LRRC4C: variants seen among roughly 807,000 people sequenced by gnomAD.
LRRC4C encodes the protein leucine-rich repeat-containing protein 4C.
Under a neutral mutation model 33.6 loss-of-function variants are expected in LRRC4C, and 5 were observed. The ratio of observed to expected loss-of-function variants is 0.15; its 90% CI spans 0.08 to 0.31. The LOEUF (loss-of-function observed/expected upper bound fraction) is 0.31. Among genes scored for constraint, LRRC4C ranks in the 10% least tolerant of loss-of-function variants. LRRC4C has a pLI of 1.00. For synonymous variants in LRRC4C, 329 were observed against 302.0 expected (o/e 1.09, Z -0.93); for missense variants, 560 against 796.7 (o/e 0.70, Z 3.58).
At chr11:41,212,278 G>A (rs76361676) in intron 1 of LRRC4C, among the ~76,000 whole-genome samples, 25,907 of 152,182 alleles carry the variant, frequency 0.17, 2,314 homozygotes, top group Middle Eastern at 0.24. Context: ...TGTAAAGATA[G>A]CTACTGTGTT....
intron 1 of LRRC4C, among the ~76,000 whole-genome samples, chr11:41,117,819 C>G (rs1001003607): frequency 6.6e-6 from 1 of 151,982 alleles, no homozygotes; most frequent in African/African-American, 2.4e-5. Context: ...GTATTTCAAG[C>G]AAAATTCGCA....
intron 3 of LRRC4C, among the ~76,000 whole-genome samples, chr11:40,443,651 C>T (rs896904260): frequency 3.9e-5 from 6 of 152,138 alleles, no homozygotes; most frequent in African/African-American, 1.4e-4. Context: ...AGTGGCAACT[C>T]AGTTAATATT....
At chr11:40,265,374 T>G (rs1056628387) in intron 4 of LRRC4C, among the ~76,000 whole-genome samples, 12 of 152,206 alleles carry the variant, frequency 7.9e-5, no homozygotes, top group South Asian at 2.1e-4. Flanking sequence ...ATATACATAC[T>G]GTTAGAAAAC....
intron 3 of LRRC4C, among the ~76,000 whole-genome samples, chr11:40,644,094 A>G (rs895452628): frequency 5.9e-5 from 9 of 152,332 alleles, no homozygotes; most frequent in African/African-American, 2.2e-4. Flanking sequence ...CATACCTTAT[A>G]AAAATTAATT....
intron 4 of LRRC4C, among the ~76,000 whole-genome samples, chr11:40,302,873 T>A (rs1363392499): frequency 6.6e-6 from 1 of 152,206 alleles, no homozygotes; most frequent in Admixed American, 6.5e-5. Flanking sequence ...TGGAATTTCA[T>A]AGACCTCAGT....
chr11:41,068,652 C>T (rs574298036), intron 1 of LRRC4C, among the ~76,000 whole-genome samples: 15 of 152,208 alleles, frequency 9.9e-5, no homozygotes, highest in East Asian at 7.7e-4. Context: ...CATACACCCT[C>T]GCATACTTAT....
chr11:40,345,775 G>A (rs1947099105), intron 3 of LRRC4C, among the ~76,000 whole-genome samples: 1 of 152,106 alleles, frequency 6.6e-6, no homozygotes, highest in South Asian at 2.1e-4. Flanking sequence ...CTACAGAATG[G>A]AAGGAAAATT....
rs536673310 is a variant in LRRC4C, at chr11:40,283,251, T to C, written c.-176+36377A>G. Among the ~76,000 whole-genome samples the C allele has an allele frequency of 9.2e-5, 14 of 152,316 alleles. No homozygotes were observed. The East Asian group carries it at 2.7e-3, about 29-fold the overall frequency. ...ATGAGATCCTCAAGAACAGCTATTA[T>C]CAATATTTCAAAAAGCCAACTAGAT... On this transcript the variant is annotated intron_variant, in intron 4 of 6. Transcript: ENST00000528697.
chr11:40,415,043 C>G (rs1297036977), intron 3 of LRRC4C, among the ~76,000 whole-genome samples: 3 of 152,162 alleles, frequency 2.0e-5, no homozygotes. Context: ...CTAGTCTGCC[C>G]AGCCATGTAT....
chr11:40,224,219 C>T (rs1022431685), intron 5 of LRRC4C, among the ~76,000 whole-genome samples: 1 of 152,154 alleles, frequency 6.6e-6, no homozygotes, highest in African/African-American at 2.4e-5. Flanking sequence ...CAATAGCCTC[C>T]ACATTCATTA....
rs1377570158 is a variant in LRRC4C, at chr11:41,226,758, AC to A, written c.-496+232672del. Among the ~76,000 whole-genome samples the A allele has an allele frequency of 3.6e-3, 549 of 151,558 alleles. 8 individuals carry two copies. The highest frequency in any genetic ancestry group is 0.013 in the African/African-American group (532 of 41,290). ...CTTACCATTACACACACACACACAC[AC>A]ACACACACACACACACACCCTTCTC... is the stretch of plus-strand genomic sequence containing the variant. On this transcript the variant is annotated intron_variant, in intron 1 of 6. Transcript: ENST00000528697.
At chr11:40,224,214 G>A (rs1399176106) in intron 5 of LRRC4C, among the ~76,000 whole-genome samples, 1 of 152,172 alleles carries the variant, frequency 6.6e-6, no homozygotes. Flanking sequence ...ATACTCAATA[G>A]CCTCCACATT....
chr11:40,562,923 T>A (rs1211917977), intron 3 of LRRC4C, among the ~76,000 whole-genome samples: 1 of 151,890 alleles, frequency 6.6e-6, no homozygotes, highest in Non-Finnish European at 1.5e-5. Context: ...TACTCGATCA[T>A]CACTCCTTTC....
At chr11:40,538,209 G>A (rs916121908) in intron 3 of LRRC4C, among the ~76,000 whole-genome samples, 9 of 152,072 alleles carry the variant, frequency 5.9e-5, no homozygotes, top group South Asian at 2.1e-4. Context: ...GAGAACTGCC[G>A]CTCTCATCAC....
intron 4 of LRRC4C, among the ~76,000 whole-genome samples, chr11:40,252,550 A>G (rs1866871592): frequency 6.6e-6 from 1 of 152,186 alleles, no homozygotes; most frequent in Non-Finnish European, 1.5e-5. Context: ...CAAAAAATAA[A>G]AAGTCCTTTC....
chr11:40,902,924 T>C (rs533464614), intron 2 of LRRC4C, among the ~76,000 whole-genome samples: 1 of 152,240 alleles, frequency 6.6e-6, no homozygotes, highest in East Asian at 1.9e-4. Flanking sequence ...AGCGCTCAAG[T>C]AGAAACTGCA....
intron 1 of LRRC4C, among the ~76,000 whole-genome samples, chr11:40,984,288 GGAGA>G (rs371857938): frequency 7.3e-4 from 95 of 130,948 alleles, no homozygotes; most frequent in African/African-American, 2.4e-3. Context: ...AGGGAGAGAG[GGAGA>G]GAGAGAGAGA....
intron 1 of LRRC4C, among the ~76,000 whole-genome samples, chr11:41,055,368 T>C (rs921816722): frequency 1.3e-5 from 2 of 152,172 alleles, no homozygotes; most frequent in African/African-American, 4.8e-5. Context: ...AATAAAGCTA[T>C]TATAAACATG....
rs1194095395 is a variant in LRRC4C at position 40,364,318 on chromosome 11, A to G, written c.-269-44597T>C. 2.0e-5 allele frequency among the ~76,000 whole-genome samples: 3 copies of G among 152,176 alleles called. No individual in the cohort carries two copies. In the East Asian group the frequency reaches 5.8e-4, roughly 29 times the overall value. On this transcript the variant is annotated intron_variant, in intron 3 of 6. Transcript: ENST00000528697. ...AATTAGGTAAATGTGTTAAACCACT[A>G]TTATAAATATACTCCTTATCTTCAA... is the stretch of plus-strand genomic sequence containing the variant.
Sources: allele counts gnomAD v4.1 joint callset (sites outside exome capture counted in the v4.1 genomes callset), GRCh38; gene constraint gnomAD v4.1.1; transcripts MANE v1.5; gene names NCBI Gene and HGNC (gene_info 2026-07-23, HGNC 2026-07-21).